TUFT1: variants seen among roughly 807,000 people sequenced by gnomAD.
TUFT1 encodes tuftelin.
A neutral mutation model predicts 57.8 loss-of-function variants in TUFT1; 43 were observed. That is an observed-to-expected ratio of 0.74 (90% confidence interval 0.58 to 0.96). The LOEUF (loss-of-function observed/expected upper bound fraction) is 0.96. Among genes scored for constraint, TUFT1 ranks in the 40% least tolerant of loss-of-function variants. The probability of loss-of-function intolerance (pLI) is 0.00; values close to 1 mark genes in which losing one functional copy is unlikely to be tolerated. For synonymous variants in TUFT1, 166 were observed against 176.7 expected, an observed-to-expected ratio of 0.94 and a Z score of 0.48; for missense variants, 459 against 489.0, an observed-to-expected ratio of 0.94 and a Z score of 0.58.
chr1:151,560,397 C>T (rs1665846768), intron 1 of TUFT1, among the ~76,000 whole-genome samples: 1 of 151,916 alleles, frequency 6.6e-6, no homozygotes, highest in Non-Finnish European at 1.5e-5. Flanking sequence ...GCCTGGGAGA[C>T]AAGAGCAAGA....
intron 6 of TUFT1, among the ~76,000 whole-genome samples, chr1:151,569,081 C>T (rs1042901628): frequency 2.2e-4 from 33 of 152,310 alleles, no homozygotes; most frequent in African/African-American, 7.7e-4. Context: ...GCAGTTACCT[C>T]GATGAGACAC....
chr1:151,561,463 G>GCACACACACACACACACA, intron 1 of TUFT1: 1 of 97,394 alleles, frequency 1.0e-5, no homozygotes, highest in South Asian at 4.6e-4. Context: ...GCAGTCATGC[G>GCACACACACACACACACA]CGCGCGCGCG....
chr1:151,557,902 G>A (rs1665764051), intron 1 of TUFT1: 1 of 704,540 alleles, frequency 1.4e-6, no homozygotes. Flanking sequence ...CCAGTTTAGA[G>A]GTGGATTTGG....
intron 1 of TUFT1, among the ~76,000 whole-genome samples, chr1:151,547,847 G>A (rs546105807): frequency 4.0e-4 from 61 of 152,310 alleles, no homozygotes; most frequent in Admixed American, 1.8e-3. Flanking sequence ...CTAGGCCCTA[G>A]TGTTTTCCTT....
Position 151,578,779 on chromosome 1 carries a change from G to T in TUFT1, c.877G>T (p.Asp293Tyr). Residue 293 changes from aspartate (D) to tyrosine (Y), a missense_variant, in exon 10 of 13, where the codon GAC becomes TAC. Transcript: ENST00000368849. The part of the protein sequence containing the change: ...GLREKIHHLD[D>Y]MLKSQQRKVR... ...GCGGGAGAAGATCCACCACTTGGAT[G>T]ACATGCTCAAGAGCCAGCAGCGGAA... 6.3e-7 allele frequency: 1 copy of T among 1,584,910 alleles called. No homozygotes were observed. The highest frequency in any genetic ancestry group is 8.6e-7 in the Non-Finnish European group (1 of 1,164,414).
In TUFT1 at chr1:151,578,790, G is replaced by T; in HGVS notation, c.888G>T (p.Lys296Asn). The change falls in exon 10 of 13, where the codon AAG becomes AAT. Residue 296 changes from lysine to asparagine, a missense_variant. Physicochemically the swap from Lys to Asn is moderately conservative, Grantham distance 94. Coordinates refer to ENST00000368849, the MANE Select transcript of TUFT1 (RefSeq NM_020127.3). ...TCCACCACTTGGATGACATGCTCAA[G>T]AGCCAGCAGCGGAAAGTCCGGCAAA... ...EKIHHLDDML[K>N]SQQRKVRQMI... The T allele has an allele frequency of 6.3e-7, 1 of 1,582,862 alleles. No individual in the cohort carries two copies. The highest frequency in any genetic ancestry group is 1.2e-5 in the South Asian group (1 of 86,800).
At position 151,564,612 on chromosome 1, in the gene TUFT1, C is replaced by T. The variant is rs933814249; in HGVS notation, c.412C>T (p.Gln138Ter). ...LGDSLHRQEI[Q>*]VVLEKPNGFS... Reference sequence around the variant, plus strand: ...AGATTCTCTCCATCGACAGGAGATACAGGTAATAGGAAATGGTCCATGGTT... The same window carrying T: ...AGATTCTCTCCATCGACAGGAGATATAGGTAATAGGAAATGGTCCATGGTT... Residue 138 changes from glutamine to a stop codon, truncating the protein, a stop_gained and splice_region_variant, in exon 5 of 13, where the codon CAG (glutamine) becomes TAG (stop). Coordinates refer to ENST00000368849, the MANE Select transcript of TUFT1 (RefSeq NM_020127.3). LOFTEE classifies it high-confidence loss of function. 1 of 1,613,454 alleles carries T rather than the reference C, an allele frequency of 6.2e-7. No homozygotes were observed. Among genetic ancestry groups the T allele is most frequent in the Admixed American group, 1.7e-5 (1 of 59,984 alleles).
At position 151,540,342 on chromosome 1, in the gene TUFT1, G is replaced by T. The variant is rs748417526; in HGVS notation, c.-25G>T. ...CCAGACAGCGGGGTGGACAAGTGGC[G>T]TGTGTGCTGCGACCCCGAGGGAAGA... On this transcript the variant is annotated 5_prime_UTR_variant, in exon 1 of 13. Transcript: ENST00000368849. 25 of 1,614,026 alleles carry T rather than the reference G, an allele frequency of 1.5e-5. 1 individual carries two copies. The highest frequency in any genetic ancestry group is 2.1e-5 in the Non-Finnish European group (25 of 1,179,940).
chr1:151,578,041 AG>A (rs1330957220), intron 9 of TUFT1, among the ~76,000 whole-genome samples: 3 of 151,906 alleles, frequency 2.0e-5, no homozygotes, highest in African/African-American at 7.3e-5. Flanking sequence ...AAAAAAAAAA[AG>A]AAAAGGTCGG....
intron 1 of TUFT1, among the ~76,000 whole-genome samples, chr1:151,541,067 C>G (rs1665149277): frequency 6.6e-6 from 1 of 152,148 alleles, no homozygotes; most frequent in South Asian, 2.1e-4. Flanking sequence ...TCCTTCTTCC[C>G]CCTTGTAGTT....
In TUFT1 at chr1:151,581,059, A is replaced by G. The variant is rs201423811; in HGVS notation, c.1109+17A>G. On this transcript the variant is annotated intron_variant, in intron 12 of 12. Coordinates refer to ENST00000368849, the MANE Select transcript of TUFT1 (RefSeq NM_020127.3). Reference sequence around the variant, plus strand: ...CCCGGGCAGGTGAGTGAGCGTGTGTAGATAGAATGGGGCCAGGGAGGAGGG... The same window carrying G: ...CCCGGGCAGGTGAGTGAGCGTGTGTGGATAGAATGGGGCCAGGGAGGAGGG... 8.1e-6 allele frequency: 13 copies of G among 1,610,882 alleles called. No individual in the cohort carries two copies. Among genetic ancestry groups the G allele is most frequent in the Middle Eastern group, 1.7e-4 (1 of 6,052 alleles).
chr1:151,551,838 T>C (rs1052251819), intron 1 of TUFT1, among the ~76,000 whole-genome samples: 2 of 152,188 alleles, frequency 1.3e-5, no homozygotes, highest in African/African-American at 4.8e-5. Context: ...GTTTTTGACT[T>C]TTTGTTTTTA....
At chr1:151,573,644 T>G (rs1453914330) in intron 7 of TUFT1, among the ~76,000 whole-genome samples, 1 of 152,144 alleles carries the variant, frequency 6.6e-6, no homozygotes, top group Non-Finnish European at 1.5e-5. Flanking sequence ...CTCGGGAGGC[T>G]GAGGCAGGAG....
intron 6 of TUFT1, among the ~76,000 whole-genome samples, chr1:151,566,450 G>A (rs1379728098): frequency 1.3e-5 from 2 of 152,164 alleles, no homozygotes; most frequent in Non-Finnish European, 2.9e-5. Context: ...TGAAGTGGGT[G>A]GATCTTTCTA....
In TUFT1 at chr1:151,574,233, TC is replaced by T. The variant is rs745412166; in HGVS notation, c.595-35del. 4.4e-6 allele frequency: 7 copies of T among 1,583,650 alleles called. No individual in the cohort carries two copies. The East Asian group carries it at 1.1e-4, about 25-fold the overall frequency. ...GTTTTTTTCCATGTTTGCTCTTTTT[TC>T]CACACCATTTAACATATTCCTGCTC... On this transcript the variant is annotated intron_variant, in intron 7 of 12. Transcript: ENST00000368849.
Position 151,574,910 on chromosome 1 carries a change from G to A in TUFT1, c.724-1G>A. 6.4e-7 allele frequency: 1 copy of A among 1,566,450 alleles called. No homozygotes were observed. ...TAGATTTTCTTTTGTGGCCCACCCA[G>A]GAGCATCAGGCCTTACTGGCGAAAG... On this transcript the variant is annotated splice_acceptor_variant, in intron 8 of 12. Transcript: ENST00000368849. LOFTEE classifies it high-confidence loss of function.
intron 7 of TUFT1, among the ~76,000 whole-genome samples, chr1:151,571,084 C>A (rs1186746823): frequency 6.6e-6 from 1 of 152,170 alleles, no homozygotes; most frequent in Non-Finnish European, 1.5e-5. Flanking sequence ...GTAATGTATT[C>A]TTTGTGTTAT....
chr1:151,548,866 C>T (rs1571687282), intron 1 of TUFT1, among the ~76,000 whole-genome samples: 1 of 152,152 alleles, frequency 6.6e-6, no homozygotes, highest in Non-Finnish European at 1.5e-5. Flanking sequence ...GCTGGGGGAA[C>T]GCAGGCTTTT....
chr1:151,543,799 G>GCC (rs141715033), intron 1 of TUFT1, among the ~76,000 whole-genome samples: 4 of 151,636 alleles, frequency 2.6e-5, no homozygotes, highest in Non-Finnish European at 5.9e-5. Flanking sequence ...TGACTGATAG[G>GCC]CCCCCCCCAG....
Sources: allele counts gnomAD v4.1 joint callset (sites outside exome capture counted in the v4.1 genomes callset), GRCh38; gene constraint gnomAD v4.1.1; transcripts MANE v1.5; gene names NCBI Gene and HGNC (gene_info 2026-07-23, HGNC 2026-07-21).